The following STK39 variants were observed in gnomAD, a reference collection of about 807,000 sequenced individuals.
STK39 encodes serine/threonine kinase 39, also known as STE20/SPS1-related proline-alanine-rich protein kinase.
STK39 carries 20 observed loss-of-function variants against 77.8 expected under a neutral mutation model. That is an observed-to-expected ratio of 0.26 (90% CI 0.18 to 0.37). The LOEUF (loss-of-function observed/expected upper bound fraction) is 0.37, where lower values mean the gene tolerates loss of function less well. Ranked by LOEUF, STK39 falls within the 10% of genes least tolerant of loss-of-function variation. The pLI, the probability that STK39 is intolerant of heterozygous loss-of-function variation, is 1.00. For synonymous variants in STK39, 246 were observed against 234.1 expected (o/e 1.05, Z -0.47); for missense variants, 479 against 656.5 (o/e 0.73, Z 2.95).
chr2:168,024,160 G>A (rs1010968568), intron 14 of STK39, among the ~76,000 whole-genome samples: 2 of 152,200 alleles, frequency 1.3e-5, no homozygotes, highest in African/African-American at 4.8e-5. Flanking sequence ...CACAGTCTTA[G>A]GAGAAGAAAT....
chr2:168,119,694 C>G lies in STK39; in HGVS notation c.1089+9847G>C, dbSNP rs77646714. ...TTCCACAATGGCACAGACTTAAAAC[C>G]CATTGCTGCCCTCTACTGGGAAAAC... is the stretch of plus-strand genomic sequence containing the variant. On this transcript the variant is annotated intron_variant, in intron 10 of 17. Transcript: ENST00000355999. 5.9e-3 allele frequency among the ~76,000 whole-genome samples: 902 copies of G among 152,290 alleles called. 11 individuals are homozygous for G. Among genetic ancestry groups the G allele is most frequent in the African/African-American group, 0.021 (859 of 41,554 alleles).
chr2:168,033,085 A>AT (rs1684867660), intron 14 of STK39, among the ~76,000 whole-genome samples: 1 of 152,186 alleles, frequency 6.6e-6, no homozygotes, highest in South Asian at 2.1e-4. Flanking sequence ...ACATAAGTAC[A>AT]TTCCCAATAA....
chr2:168,082,688 G>T (rs1323184441), intron 10 of STK39, among the ~76,000 whole-genome samples: 4 of 152,302 alleles, frequency 2.6e-5, no homozygotes, highest in Admixed American at 6.5e-5. Flanking sequence ...AGACACTGTT[G>T]CCCTGAGTGA....
intron 16 of STK39, among the ~76,000 whole-genome samples, chr2:167,975,036 C>G (rs1683238843): frequency 6.6e-6 from 1 of 152,086 alleles, no homozygotes; most frequent in African/African-American, 2.4e-5. Context: ...TGCTATGTAC[C>G]TAATTTGGAG....
At chr2:168,100,842 C>T (rs36157662) in intron 10 of STK39, among the ~76,000 whole-genome samples, 57,595 of 151,954 alleles carry the variant, frequency 0.38, 12,086 homozygotes, top group East Asian at 0.56. Context: ...TTTGACCCAG[C>T]AATCCCATTA....
intron 14 of STK39, among the ~76,000 whole-genome samples, chr2:168,045,103 G>C (rs1160723302): frequency 1.3e-5 from 2 of 151,966 alleles, no homozygotes; most frequent in Non-Finnish European, 2.9e-5. Flanking sequence ...TTGTTCATTT[G>C]CATCTTATAA....
chr2:168,096,691 G>A lies in STK39; in HGVS notation c.1090-21460C>T, dbSNP rs74345270. Reference sequence around the variant, plus strand: ...TATTTGAGATCATTATGTACTCTATGATAAGTGAATGGATGAAGACATCAG... The same window carrying A: ...TATTTGAGATCATTATGTACTCTATAATAAGTGAATGGATGAAGACATCAG... On this transcript the variant is annotated intron_variant, in intron 10 of 17. Coordinates refer to ENST00000355999, the MANE Select transcript of STK39 (RefSeq NM_013233.3). 5.9e-3 allele frequency among the ~76,000 whole-genome samples: 894 copies of A among 152,246 alleles called. 12 individuals carry two copies. Among genetic ancestry groups the A allele is most frequent in the African/African-American group, 0.02 (851 of 41,530 alleles).
At position 168,230,977 on chromosome 2, in the gene STK39, C is replaced by T. The variant is rs906757930; in HGVS notation, c.208+16251G>A. On this transcript the variant is annotated intron_variant, in intron 1 of 17. Transcript: ENST00000355999. ...CACAGACCTGACTACAGAATCCCAC[C>T]CACCACCCTACCAGACTCCTCTCAG... Among the ~76,000 whole-genome samples, 7 of 152,240 alleles carry T rather than the reference C, an allele frequency of 4.6e-5. No individual in the cohort carries two copies. The South Asian group carries it at 6.2e-4, about 14-fold the overall frequency.
chr2:168,172,614 C>A (rs1319638728), intron 2 of STK39, among the ~76,000 whole-genome samples: 12 of 150,592 alleles, frequency 8.0e-5, no homozygotes. Flanking sequence ...TTCTTTTGTT[C>A]CTAAGACCGT....
chr2:168,042,574 C>T lies in STK39; in HGVS notation c.1376+20926G>A, dbSNP rs1328935254. Reference sequence around the variant, plus strand: ...AAGGATCTTAATTCTATCTTCCTTCCTTCTTTTTTTTTTTTTTTTTTCTTG... The same window carrying T: ...AAGGATCTTAATTCTATCTTCCTTCTTTCTTTTTTTTTTTTTTTTTTCTTG... On this transcript the variant is annotated intron_variant, in intron 14 of 17. Transcript: ENST00000355999. Among the ~76,000 whole-genome samples the T allele has an allele frequency of 7.8e-5, 10 of 128,394 alleles. No homozygotes were observed. In the Admixed American group the frequency reaches 8.7e-4, roughly 11 times the overall value. The allele number at this position is 128,394 out of a possible 152,430, so 84.2% of individuals were successfully genotyped here. A position where few individuals can be genotyped will look rare whatever the true frequency, so the allele number is the denominator to read the frequency against.
intron 2 of STK39, among the ~76,000 whole-genome samples, chr2:168,171,896 A>G (rs971992593): frequency 7.6e-6 from 1 of 131,466 alleles, no homozygotes; most frequent in Admixed American, 8.6e-5. Flanking sequence ...TTCTCCTACA[A>G]ATAGTACTGA....
chr2:168,003,871 G>GAC (rs1323909535), intron 16 of STK39, among the ~76,000 whole-genome samples: 3 of 152,192 alleles, frequency 2.0e-5, no homozygotes, highest in Non-Finnish European at 4.4e-5. Context: ...TTTCTTCACT[G>GAC]AAAGTCAATA....
At chr2:168,232,941 T>C (rs1241291986) in intron 1 of STK39, among the ~76,000 whole-genome samples, 2 of 151,890 alleles carry the variant, frequency 1.3e-5, no homozygotes, top group East Asian at 1.9e-4. Flanking sequence ...CATGAAATTA[T>C]AGCCTTCAGA....
intron 10 of STK39, among the ~76,000 whole-genome samples, chr2:168,113,842 G>T (rs114971256): frequency 4.6e-5 from 7 of 152,170 alleles, no homozygotes; most frequent in African/African-American, 1.7e-4. Flanking sequence ...GGAAAAGGGG[G>T]ACAGGCAAAT....
At chr2:168,180,634 C>A (rs1388658805) in intron 2 of STK39, among the ~76,000 whole-genome samples, 13 of 152,204 alleles carry the variant, frequency 8.5e-5, no homozygotes, top group African/African-American at 3.1e-4. Flanking sequence ...AATGCGTTTT[C>A]CAACTCAGAG....
rs757894252 is a variant in STK39, at chr2:168,057,512, T to C, written c.1376+5988A>G. 4.7e-4 allele frequency among the ~76,000 whole-genome samples: 72 copies of C among 152,108 alleles called. 1 individual carries two copies. The highest frequency in any genetic ancestry group is 1.0e-4 in the Non-Finnish European group (7 of 67,998). ...CTGGCCCTCTATGAATGTTTTTAAA[T>C]GTTGTGTTTCCTTAATTATAATCAC... On this transcript the variant is annotated intron_variant, in intron 14 of 17. Transcript: ENST00000355999.
intron 5 of STK39, among the ~76,000 whole-genome samples, chr2:168,152,851 A>G (rs1688326421): frequency 6.6e-6 from 1 of 152,198 alleles, no homozygotes; most frequent in Non-Finnish European, 1.5e-5. Context: ...ATAAGTCTAA[A>G]TTTCCAATGC....
intron 14 of STK39, among the ~76,000 whole-genome samples, chr2:168,018,524 GAA>G (rs1218697669): frequency 2.2e-5 from 2 of 89,992 alleles, no homozygotes; most frequent in African/African-American, 1.3e-4. Context: ...AGAAAGAAAA[GAA>G]AGAAAAGAAA....
chr2:168,205,931 G>A (rs1244569207), intron 1 of STK39, among the ~76,000 whole-genome samples: 2 of 152,186 alleles, frequency 1.3e-5, no homozygotes, highest in Non-Finnish European at 2.9e-5. Flanking sequence ...AAGTGTCTCA[G>A]TAGAACACAA....
Sources: gnomAD v4.1 joint callset for allele counts (sites outside exome capture counted in the v4.1 genomes callset) on GRCh38, gnomAD v4.1.1 for gene constraint, MANE v1.5 for transcripts, NCBI Gene and HGNC (gene_info 2026-07-23, HGNC 2026-07-21) for gene names.